The following SMIM9 variants were observed in gnomAD, a reference collection of about 807,000 sequenced individuals.
SMIM9 encodes small integral membrane protein 9, also known as chromosome X open reading frame 68.
In SMIM9, 8 loss-of-function variants were observed where a neutral mutation model predicts 7.2. The observed-to-expected ratio is 1.10, with a 90% CI of 0.65 to 1.99. The LOEUF (loss-of-function observed/expected upper bound fraction) is 1.99, where lower values mean the gene tolerates loss of function less well. Among genes scored for constraint, SMIM9 ranks in the 30% most tolerant of loss-of-function variants. SMIM9 has a pLI of 0.00. For missense variants in SMIM9, 76 were observed against 69.3 expected, an observed-to-expected ratio of 1.10 and a Z score of -0.34; for synonymous variants, 19 against 26.4, an observed-to-expected ratio of 0.72 and a Z score of 0.86.
chrX:154,825,525 A>G (rs2072417652), intron 4 of SMIM9, among the ~76,000 whole-genome samples: 1 of 111,207 alleles, frequency 9.0e-6, no homozygotes, highest in South Asian at 3.8e-4. Context: ...TTCCTCAGGG[A>G]TCTAGAACTA....
chrX:154,825,781 G>A (rs1274257945), intron 4 of SMIM9, among the ~76,000 whole-genome samples: 1 of 109,766 alleles, frequency 9.1e-6, no homozygotes, highest in Non-Finnish European at 1.9e-5. Context: ...GGACATGGAT[G>A]AAGCTGGAAA....
At chrX:154,825,634 G>A (rs1364673796) in intron 4 of SMIM9, among the ~76,000 whole-genome samples, 4 of 109,293 alleles carry the variant, frequency 3.7e-5, no homozygotes, top group African/African-American at 1.0e-4. Flanking sequence ...TGTTTATTGC[G>A]GCACTATTCA....
chrX:154,834,055 C>G (rs1253922033), intron 1 of SMIM9, among the ~76,000 whole-genome samples: 3 of 112,023 alleles, frequency 2.7e-5, no homozygotes, highest in Non-Finnish European at 5.6e-5. Flanking sequence ...AGGTTGTGAC[C>G]CGAAACACTG....
intron 1 of SMIM9, among the ~76,000 whole-genome samples, chrX:154,834,358 A>C (rs782054690): frequency 5.3e-5 from 6 of 112,486 alleles, no homozygotes; most frequent in African/African-American, 1.3e-4. Context: ...ATCCAGCAGG[A>C]GCTGGAGGAC....
intron 1 of SMIM9, 89 bp from the exon 2 acceptor site, chrX:154,832,772 A>G (rs2072450459): frequency 8.9e-6 from 1 of 112,209 alleles, no homozygotes; most frequent in Non-Finnish European, 1.9e-5. Context: ...ACAGCTAAGC[A>G]CACAGACATC....
At chrX:154,831,319 CTACTT>C (rs2072444652) in intron 2 of SMIM9, among the ~76,000 whole-genome samples, 1 of 111,655 alleles carries the variant, frequency 9.0e-6, no homozygotes, top group African/African-American at 3.3e-5. Flanking sequence ...ATGAATTTGA[CTACTT>C]TAGATACCAA....
At chrX:154,828,544 G>A (rs186306847) in intron 4 of SMIM9, among the ~76,000 whole-genome samples, 1 of 111,587 alleles carries the variant, frequency 9.0e-6, no homozygotes, top group Non-Finnish European at 1.9e-5. Context: ...CAAATGTTGG[G>A]ACCTTCGAAG....
intron 4 of SMIM9, among the ~76,000 whole-genome samples, chrX:154,828,597 T>A (rs1179793203): frequency 8.9e-6 from 1 of 112,134 alleles, no homozygotes; most frequent in Admixed American, 9.5e-5. Flanking sequence ...GCCTAACTAT[T>A]GTTTACAACA....
chrX:154,832,044 C>A (rs1386568894), intron 2 of SMIM9, among the ~76,000 whole-genome samples: 1 of 111,178 alleles, frequency 9.0e-6, no homozygotes, highest in Non-Finnish European at 1.9e-5. Context: ...GGATTTTTGT[C>A]TGTTTTGTTC....
intron 1 of SMIM9, among the ~76,000 whole-genome samples, chrX:154,834,027 G>A (rs191330573): frequency 7.3e-4 from 82 of 111,946 alleles, no homozygotes; most frequent in African/African-American, 2.4e-3. Context: ...ATTCCCAGGC[G>A]CTGATAAAGG....
chrX:154,830,432 T>C (rs2072439805), intron 3 of SMIM9: 1 of 206,395 alleles, frequency 4.8e-6, no homozygotes, highest in Non-Finnish European at 8.8e-6. Context: ...CCTGGGAGCA[T>C]TGATCATACT....
At chrX:154,826,192 T>C (rs981039515) in intron 4 of SMIM9, among the ~76,000 whole-genome samples, 8 of 112,399 alleles carry the variant, frequency 7.1e-5, no homozygotes, top group African/African-American at 2.6e-4. Flanking sequence ...ATTTCTTCTC[T>C]AATCTTACTT....
intron 4 of SMIM9, among the ~76,000 whole-genome samples, chrX:154,826,728 G>A (rs1262015821): frequency 8.9e-6 from 1 of 112,299 alleles, no homozygotes; most frequent in Non-Finnish European, 1.9e-5. Flanking sequence ...ATCTGGTGCT[G>A]TTTCCTGTTG....
chrX:154,829,394 C>G (rs1329780464), intron 4 of SMIM9, 141 bp downstream of exon 4: 2 of 736,349 alleles, frequency 2.7e-6, no homozygotes, highest in African/African-American at 4.3e-5. Flanking sequence ...CATGACCTTT[C>G]ACAGTTTTCC....
At chrX:154,824,310 C>A (rs1417597935) in intron 4 of SMIM9, among the ~76,000 whole-genome samples, 1 of 90,655 alleles carries the variant, frequency 1.1e-5, no homozygotes, top group African/African-American at 4.1e-5. Flanking sequence ...GAGCCGAGAT[C>A]ACGCCACTGC....
intron 4 of SMIM9, 29 bp downstream of exon 4, chrX:154,829,506 C>T (rs2072435287): frequency 5.2e-6 from 6 of 1,164,747 alleles, no homozygotes; most frequent in African/African-American, 1.8e-5. Context: ...CCTCTCTCCT[C>T]CCTGTCTCTT....
At chrX:154,828,504 A>C (rs1301117139) in intron 4 of SMIM9, among the ~76,000 whole-genome samples, 1 of 111,040 alleles carries the variant, frequency 9.0e-6, no homozygotes, top group African/African-American at 3.3e-5. Flanking sequence ...GGCTCTACTG[A>C]TCCATTATTC....
At chrX:154,831,850 T>C (rs1043135155) in intron 2 of SMIM9, among the ~76,000 whole-genome samples, 2 of 111,254 alleles carry the variant, frequency 1.8e-5, no homozygotes, top group Non-Finnish European at 3.8e-5. Flanking sequence ...TACTCAAATA[T>C]CACCTTCTCA....
chrX:154,830,747 T>G lies in SMIM9; in HGVS notation c.110A>C (p.Gln37Pro). 1 of 1,167,811 alleles carries G rather than the reference T, an allele frequency of 8.6e-7. No homozygotes were observed. The highest frequency in any genetic ancestry group is 2.6e-5 in the Admixed American group (1 of 38,685). ...SPLPLSALGIQEKTGSKPRSG... is the reference protein window; with the variant it reads ...SPLPLSALGIPEKTGSKPRSG... Reference sequence around the variant, plus strand: ...GCGTGGTTTCGATCCTGTTTTTTCTTGTATTCCCAAGGCAGACAAAGGCAA... The same window carrying G: ...GCGTGGTTTCGATCCTGTTTTTTCTGGTATTCCCAAGGCAGACAAAGGCAA... Residue 37 changes from glutamine (Q) to proline (P), a missense_variant, in exon 3 of 5, where the codon CAA becomes CCA. Physicochemically the swap from Gln to Pro is moderately conservative, Grantham distance 76 (BLOSUM62 -1). Transcript: ENST00000369529.
Sources: allele counts gnomAD v4.1 joint callset (sites outside exome capture counted in the v4.1 genomes callset), GRCh38; gene constraint gnomAD v4.1.1; transcripts MANE v1.5; gene names NCBI Gene and HGNC (gene_info 2026-07-23, HGNC 2026-07-21).